The following CRIM1 variants were observed in gnomAD, a reference collection of about 807,000 sequenced individuals.
CRIM1 encodes the protein cysteine-rich motor neuron 1 protein.
Under a neutral mutation model 116.4 loss-of-function variants are expected in CRIM1, and 32 were observed. The ratio of observed to expected loss-of-function variants is 0.27; its 90% confidence interval spans 0.21 to 0.37. The LOEUF (loss-of-function observed/expected upper bound fraction) is 0.37, where lower values mean the gene tolerates loss of function less well. Ranked by LOEUF, CRIM1 falls within the 10% of genes least tolerant of loss-of-function variation. CRIM1 has a pLI of 1.00. For synonymous variants in CRIM1, 590 were observed against 509.2 expected (o/e 1.16, Z -2.13); for missense variants, 1,331 against 1,354.8 (o/e 0.98, Z 0.28).
intron 7 of CRIM1, among the ~76,000 whole-genome samples, chr2:36,491,587 GT>G (rs1680230002): frequency 6.6e-6 from 1 of 152,176 alleles, no homozygotes; most frequent in Non-Finnish European, 1.5e-5. Flanking sequence ...GTGCTTAGAT[GT>G]CTTTCGTTTT....
At chr2:36,381,141 C>T (rs1220042694) in intron 1 of CRIM1, among the ~76,000 whole-genome samples, 4 of 152,216 alleles carry the variant, frequency 2.6e-5, no homozygotes, top group African/African-American at 9.6e-5. Context: ...AATCTAGAGC[C>T]CTCCCAGTGG....
chr2:36,426,190 T>C (rs1440035639), intron 2 of CRIM1, among the ~76,000 whole-genome samples: 1 of 151,782 alleles, frequency 6.6e-6, no homozygotes, highest in Non-Finnish European at 1.5e-5. Flanking sequence ...CTGAAATGCA[T>C]AGTCCAGAAC....
intron 8 of CRIM1, among the ~76,000 whole-genome samples, chr2:36,509,308 G>A (rs1184750231): frequency 6.6e-6 from 1 of 152,174 alleles, no homozygotes; most frequent in Non-Finnish European, 1.5e-5. Flanking sequence ...CTTGAGGTCA[G>A]GAGTTCAAGA....
chr2:36,435,672 A>G lies in CRIM1; in HGVS notation c.506-5586A>G, dbSNP rs748900732. Among the ~76,000 whole-genome samples, 293 of 151,580 alleles carry G rather than the reference A, an allele frequency of 1.9e-3. 3 individuals carry two copies. Among genetic ancestry groups the G allele is most frequent in the Non-Finnish European group, 2.9e-3 (197 of 67,856 alleles). On this transcript the variant is annotated intron_variant, in intron 2 of 16. Transcript: ENST00000280527. ...AAAAACAGCGATTGCTTTTGCACCA[A>G]CCTATACTTCCTTGACATATGGACC...
chr2:36,470,548 A>C (rs572389772), intron 5 of CRIM1, among the ~76,000 whole-genome samples: 1 of 152,354 alleles, frequency 6.6e-6, no homozygotes, highest in Admixed American at 6.5e-5. Flanking sequence ...TGCTTTATAA[A>C]TGGAACAACA....
At chr2:36,545,438 G>A (rs570086925) in intron 15 of CRIM1, among the ~76,000 whole-genome samples, 12 of 152,234 alleles carry the variant, frequency 7.9e-5, no homozygotes, top group Admixed American at 7.9e-4. Flanking sequence ...TCAACATACT[G>A]TAAGTACGAC....
chr2:36,466,322 CAG>C, intron 5 of CRIM1, among the ~76,000 whole-genome samples: 1 of 152,040 alleles, frequency 6.6e-6, no homozygotes, highest in East Asian at 1.9e-4. Context: ...GAAAGGGGAA[CAG>C]AAAAAGTTCT....
At chr2:36,514,215 C>T (rs1397116165) in intron 11 of CRIM1, among the ~76,000 whole-genome samples, 1 of 152,154 alleles carries the variant, frequency 6.6e-6, no homozygotes, top group Non-Finnish European at 1.5e-5. Flanking sequence ...GGCTATTGCT[C>T]TTTTTTAAAT....
intron 1 of CRIM1, among the ~76,000 whole-genome samples, chr2:36,385,186 A>G (rs1387272762): frequency 6.6e-6 from 1 of 152,014 alleles, no homozygotes; most frequent in African/African-American, 2.4e-5. Context: ...GATCAGTAGT[A>G]TAATCGTTGG....
At chr2:36,444,977 C>T (rs936680623) in intron 4 of CRIM1, among the ~76,000 whole-genome samples, 4 of 152,180 alleles carry the variant, frequency 2.6e-5, no homozygotes. Flanking sequence ...TATCATAGCA[C>T]TTTTCATAAC....
chr2:36,390,342 A>G (rs149935568), intron 1 of CRIM1, among the ~76,000 whole-genome samples: 34 of 152,354 alleles, frequency 2.2e-4, no homozygotes, highest in African/African-American at 8.2e-4. Context: ...TATAGAGGAT[A>G]AATGCAAACA....
chr2:36,402,864 G>C (rs913702268), intron 2 of CRIM1, among the ~76,000 whole-genome samples: 4 of 152,004 alleles, frequency 2.6e-5, no homozygotes, highest in African/African-American at 9.7e-5. Context: ...CCAGATTTAG[G>C]AAGGACCCAG....
At chr2:36,428,359 A>G (rs1449359189) in intron 2 of CRIM1, among the ~76,000 whole-genome samples, 3 of 152,228 alleles carry the variant, frequency 2.0e-5, no homozygotes, top group African/African-American at 7.2e-5. Flanking sequence ...AGTCTTGTAG[A>G]CAGAATCATT....
intron 1 of CRIM1, among the ~76,000 whole-genome samples, chr2:36,393,708 G>A (rs1671799416): frequency 1.3e-5 from 2 of 152,132 alleles, no homozygotes; most frequent in African/African-American, 4.8e-5. Context: ...TTTGAAGGAT[G>A]AGCAGGAGAT....
At chr2:36,470,953 G>C (rs954602697) in intron 5 of CRIM1, among the ~76,000 whole-genome samples, 1 of 152,158 alleles carries the variant, frequency 6.6e-6, no homozygotes, top group African/African-American at 2.4e-5. Flanking sequence ...ATGGAGTTTG[G>C]AAGAAGTTGA....
chr2:36,422,253 TTTAA>T (rs1674123350), intron 2 of CRIM1, among the ~76,000 whole-genome samples: 1 of 152,100 alleles, frequency 6.6e-6, no homozygotes, highest in African/African-American at 2.4e-5. Flanking sequence ...GTTAATGTTC[TTTAA>T]TTAAAAAAAA....
chr2:36,453,223 AC>A, intron 4 of CRIM1, among the ~76,000 whole-genome samples: 1 of 152,352 alleles, frequency 6.6e-6, no homozygotes, highest in African/African-American at 2.4e-5. Flanking sequence ...GCTAATTAGA[AC>A]CCAGGAGGTA....
At chr2:36,457,668 T>C (rs554987802) in intron 4 of CRIM1, among the ~76,000 whole-genome samples, 48 of 152,224 alleles carry the variant, frequency 3.2e-4, no homozygotes, top group African/African-American at 1.1e-3. Flanking sequence ...TAAGGAACTT[T>C]CATAGGGAGG....
chr2:36,487,147 G>A (rs1679883556), intron 7 of CRIM1, among the ~76,000 whole-genome samples: 1 of 152,064 alleles, frequency 6.6e-6, no homozygotes, highest in African/African-American at 2.4e-5. Context: ...GGCTATATGA[G>A]ACCATCTTAT....
Sources: allele counts gnomAD v4.1 joint callset (sites outside exome capture counted in the v4.1 genomes callset), GRCh38; gene constraint gnomAD v4.1.1; transcripts MANE v1.5; gene names NCBI Gene and HGNC (gene_info 2026-07-23, HGNC 2026-07-21).